Variants in DSCAM observed in about 807,000 individuals in gnomAD.
DSCAM encodes cell adhesion molecule DSCAM.
In DSCAM, 47 loss-of-function variants were observed where a neutral mutation model predicts 217.7. That is an observed-to-expected ratio of 0.22 (90% CI 0.17 to 0.28). DSCAM has a LOEUF of 0.28. DSCAM is among the 10% of genes least tolerant of loss of function. The pLI is 1.00. For synonymous variants in DSCAM, 1,056 were observed against 1,015.3 expected (o/e 1.04, Z -0.76); for missense variants, 2,080 against 2,618.3 (o/e 0.79, Z 4.49).
intron 1 of DSCAM, among the ~76,000 whole-genome samples, chr21:40,722,625 GGACA>G (rs1317454061): frequency 2.0e-5 from 3 of 151,916 alleles, no homozygotes; most frequent in Non-Finnish European, 2.9e-5. Flanking sequence ...AAGGAACAGA[GGACA>G]GATAGAAAAA....
intron 9 of DSCAM, among the ~76,000 whole-genome samples, chr21:40,296,831 CAAAAAAAAAAAAAA>C (rs58219836): frequency 5.6e-5 from 3 of 53,806 alleles, no homozygotes; most frequent in Admixed American, 2.2e-4. Context: ...AACTCCATCT[CAAAAAAAAAAAAAA>C]AAAAAAAAAA....
At chr21:40,512,000 A>AT (rs1447951689) in intron 3 of DSCAM, among the ~76,000 whole-genome samples, 1 of 148,292 alleles carries the variant, frequency 6.7e-6, no homozygotes, top group Non-Finnish European at 1.5e-5. Flanking sequence ...CAAAAAAAAA[A>AT]AAAAAAAAAA....
intron 3 of DSCAM, among the ~76,000 whole-genome samples, chr21:40,683,903 A>T (rs1395696546): frequency 1.3e-5 from 2 of 152,094 alleles, no homozygotes; most frequent in Non-Finnish European, 2.9e-5. Flanking sequence ...GCGCAAAAAC[A>T]CCTGAGCATC....
intron 20 of DSCAM, among the ~76,000 whole-genome samples, chr21:40,111,228 T>C (rs963917800): frequency 6.6e-6 from 1 of 152,138 alleles, no homozygotes; most frequent in African/African-American, 2.4e-5. Flanking sequence ...CAGCAGAAAC[T>C]CTACAAGCCA....
intron 28 of DSCAM, among the ~76,000 whole-genome samples, chr21:40,061,933 T>C (rs1286640347): frequency 6.6e-6 from 1 of 152,234 alleles, no homozygotes; most frequent in African/African-American, 2.4e-5. Flanking sequence ...TCCCTACTTA[T>C]TTCCTAGACT....
intron 3 of DSCAM, among the ~76,000 whole-genome samples, chr21:40,456,777 T>C (rs1801132487): frequency 6.6e-6 from 1 of 152,194 alleles, no homozygotes; most frequent in African/African-American, 2.4e-5. Context: ...ATATTGATTG[T>C]ACAATCCAGG....
intron 10 of DSCAM, among the ~76,000 whole-genome samples, chr21:40,284,432 C>A (rs2073800956): frequency 6.6e-6 from 1 of 152,168 alleles, no homozygotes; most frequent in Non-Finnish European, 1.5e-5. Context: ...AAACTCTGCC[C>A]TAAATTGCAG....
chr21:40,763,337 T>C (rs1161346646), intron 1 of DSCAM, among the ~76,000 whole-genome samples: 1 of 152,062 alleles, frequency 6.6e-6, no homozygotes, highest in Non-Finnish European at 1.5e-5. Context: ...TGAACTCCCA[T>C]TCACAATTGC....
chr21:40,107,399 C>A (rs550038569), intron 20 of DSCAM, among the ~76,000 whole-genome samples: 1 of 152,216 alleles, frequency 6.6e-6, no homozygotes, highest in Non-Finnish European at 1.5e-5. Flanking sequence ...TTAATATGAT[C>A]AATTTTACAG....
At chr21:40,389,308 CTT>C (rs2075113719) in intron 3 of DSCAM, among the ~76,000 whole-genome samples, 1 of 152,104 alleles carries the variant, frequency 6.6e-6, no homozygotes, top group Non-Finnish European at 1.5e-5. Context: ...AGAGAATATT[CTT>C]TTAAATAGCC....
intron 3 of DSCAM, among the ~76,000 whole-genome samples, chr21:40,457,671 G>A (rs1180381858): frequency 6.6e-6 from 1 of 151,994 alleles, no homozygotes; most frequent in African/African-American, 2.4e-5. Context: ...CAGAAAAAGA[G>A]GGGAAAATGC....
At position 40,219,680 on chromosome 21, in the gene DSCAM, G is replaced by T. The variant is rs964323894; in HGVS notation, c.2357-30442C>A. On this transcript the variant is annotated intron_variant, in intron 11 of 32. Transcript: ENST00000400454. ...GCTTTAAAAAATTTTCCTGCCAAAT[G>T]ATATATCAGAATGTAAATATTTGTG... 3.3e-5 allele frequency among the ~76,000 whole-genome samples: 5 copies of T among 152,182 alleles called. No individual in the cohort carries two copies. In the East Asian group the frequency reaches 9.7e-4, roughly 29 times the overall value.
intron 3 of DSCAM, among the ~76,000 whole-genome samples, chr21:40,520,312 C>G (rs144389925): frequency 1.3e-5 from 2 of 152,186 alleles, no homozygotes; most frequent in African/African-American, 4.8e-5. Context: ...GAAAATAATT[C>G]TCTGCAATAA....
At chr21:40,771,635 T>A (rs184346990) in intron 1 of DSCAM, among the ~76,000 whole-genome samples, 1 of 152,326 alleles carries the variant, frequency 6.6e-6, no homozygotes, top group East Asian at 1.9e-4. Context: ...CCATCTTAAC[T>A]GCATCTCTAA....
chr21:40,428,208 A>G (rs1384046243), intron 3 of DSCAM, among the ~76,000 whole-genome samples: 1 of 149,430 alleles, frequency 6.7e-6, no homozygotes, highest in Admixed American at 6.7e-5. Flanking sequence ...GCTGGCCTCA[A>G]CTGTGTGACC....
chr21:40,573,164 C>T (rs900937280), intron 3 of DSCAM, among the ~76,000 whole-genome samples: 4 of 152,010 alleles, frequency 2.6e-5, no homozygotes, highest in Non-Finnish European at 5.9e-5. Flanking sequence ...ATTGAAACCC[C>T]GTCTCTACTA....
intron 28 of DSCAM, 67 bp downstream of exon 28, chr21:40,062,802 A>C: frequency 6.9e-7 from 1 of 1,446,022 alleles, no homozygotes; most frequent in Non-Finnish European, 9.3e-7. Flanking sequence ...AAAAATAGAA[A>C]TCATCAAGGC....
intron 10 of DSCAM, among the ~76,000 whole-genome samples, chr21:40,286,551 A>C (rs2073826292): frequency 6.6e-6 from 1 of 152,058 alleles, no homozygotes; most frequent in Non-Finnish European, 1.5e-5. Context: ...TTTAATATAA[A>C]CCCCCTGCTT....
Position 40,052,009 on chromosome 21 carries a change from A to G in DSCAM, c.5134T>C (p.Ser1712Pro). 6.2e-7 allele frequency: 1 copy of G among 1,614,018 alleles called. No homozygotes were observed. The highest frequency in any genetic ancestry group is 8.5e-7 in the Non-Finnish European group (1 of 1,179,966). Residue 1712 changes from serine to proline, a missense_variant, in exon 30 of 33, where the codon TCT becomes CCT. This residue lies in a region of DSCAM where 1,144 missense variants were observed against 1,421.1 expected (regional missense o/e 0.81). Coordinates refer to ENST00000400454, the MANE Select transcript of DSCAM (RefSeq NM_001389.5). The part of the protein sequence containing the change: ...VTHTVHYQSV[S>P]QATGPLVDVS... ...TCCACTAAGGGCCCAGTGGCCTGAG[A>G]CACCGATTGGTAATGGACCGTGTGA...
Sources: allele counts gnomAD v4.1 joint callset (sites outside exome capture counted in the v4.1 genomes callset), GRCh38; gene constraint gnomAD v4.1.1; regional missense constraint gnomAD v4.1.1; transcripts MANE v1.5; gene names NCBI Gene and HGNC (gene_info 2026-07-23, HGNC 2026-07-21).